Variants in PCDH7 observed in about 807,000 individuals in gnomAD.
PCDH7 encodes protocadherin 7, also known as protocadherin-7.
A neutral mutation model predicts 58.9 loss-of-function variants in PCDH7; 17 were observed. The observed-to-expected ratio is 0.29, with a 90% CI of 0.20 to 0.43. The LOEUF (loss-of-function observed/expected upper bound fraction) is 0.43, where lower values mean the gene tolerates loss of function less well. Among genes scored for constraint, PCDH7 ranks in the 20% least tolerant of loss-of-function variants. The probability of loss-of-function intolerance (pLI) is 1.00; values close to 1 mark genes in which losing one functional copy is unlikely to be tolerated. For synonymous variants in PCDH7, 664 were observed against 616.4 expected, an observed-to-expected ratio of 1.08 and a Z score of -1.14; for missense variants, 1,274 against 1,441.0, an observed-to-expected ratio of 0.88 and a Z score of 1.88.
At chr4:31,043,390 C>T (rs1479189847) in intron 3 of PCDH7, among the ~76,000 whole-genome samples, 1 of 152,128 alleles carries the variant, frequency 6.6e-6, no homozygotes, top group Admixed American at 6.6e-5. Flanking sequence ...AACTAATTTA[C>T]ACTCCCACCA....
chr4:31,078,794 T>C lies in PCDH7; in HGVS notation c.*8-63679T>C, dbSNP rs543852346. On this transcript the variant is annotated intron_variant, in intron 3 of 3. Transcript: ENST00000509759. Reference sequence around the variant, plus strand: ...ACAAATTTGGTGATAGGAAGAGCTTTCCATACATGATGTCAAAATTTATTT... The same window carrying C: ...ACAAATTTGGTGATAGGAAGAGCTTCCCATACATGATGTCAAAATTTATTT... Among the ~76,000 whole-genome samples the C allele has an allele frequency of 4.8e-4, 73 of 152,112 alleles. 1 individual carries two copies. Among genetic ancestry groups the C allele is most frequent in the African/African-American group, 1.8e-3 (73 of 41,464 alleles).
intron 1 of PCDH7, among the ~76,000 whole-genome samples, chr4:30,909,544 A>C (rs1741445836): frequency 6.6e-6 from 1 of 152,200 alleles, no homozygotes; most frequent in South Asian, 2.1e-4. Flanking sequence ...TAATAGAAAA[A>C]CAGCCAAATT....
At chr4:30,731,026 A>T (rs1715415183) in exon 2 of PCDH7, 2 of 1,204,246 alleles carry the variant, frequency 1.7e-6, no homozygotes, top group Non-Finnish European at 1.0e-6. Flanking sequence ...TGTCTGAGTC[A>T]CCAGAAATTC....
chr4:31,096,471 T>A (rs1714000287), intron 3 of PCDH7, among the ~76,000 whole-genome samples: 1 of 151,978 alleles, frequency 6.6e-6, no homozygotes, highest in African/African-American at 2.4e-5. Context: ...AAAAGTAGAG[T>A]AGACATTCTC....
intron 3 of PCDH7, among the ~76,000 whole-genome samples, chr4:30,980,347 G>A (rs111474579): frequency 6.7e-6 from 1 of 149,986 alleles, no homozygotes; most frequent in Admixed American, 6.6e-5. Flanking sequence ...AATATAAATT[G>A]TTTTTTTTGT....
intron 1 of PCDH7, among the ~76,000 whole-genome samples, chr4:30,829,067 A>G (rs1235766823): frequency 1.3e-5 from 2 of 151,986 alleles, no homozygotes; most frequent in Non-Finnish European, 2.9e-5. Flanking sequence ...ACATGTGCAG[A>G]TACACATGTA....
At chr4:30,823,558 C>T (rs977220873) in intron 1 of PCDH7, among the ~76,000 whole-genome samples, 5 of 152,088 alleles carry the variant, frequency 3.3e-5, no homozygotes, top group African/African-American at 1.2e-4. Flanking sequence ...AATAAAGTCC[C>T]TGCAAATTCA....
chr4:30,822,443 G>A (rs10517219), intron 1 of PCDH7, among the ~76,000 whole-genome samples: 55,174 of 151,812 alleles, frequency 0.36, 12,263 homozygotes, highest in Middle Eastern at 0.53. Flanking sequence ...AGTGAGCTGC[G>A]TAAAAGGTCA....
intron 3 of PCDH7, among the ~76,000 whole-genome samples, chr4:30,964,781 AC>A (rs2109464842): frequency 6.6e-6 from 1 of 152,232 alleles, no homozygotes; most frequent in African/African-American, 2.4e-5. Flanking sequence ...TCATGTACAA[AC>A]TAAAAAGTCC....
chr4:30,871,635 A>C (rs376286248), intron 1 of PCDH7, among the ~76,000 whole-genome samples: 30 of 152,236 alleles, frequency 2.0e-4, no homozygotes, highest in East Asian at 1.7e-3. Flanking sequence ...TGAGTAACTT[A>C]GTGCTAATCT....
At chr4:31,027,735 A>G (rs962554102) in intron 3 of PCDH7, among the ~76,000 whole-genome samples, 2 of 152,136 alleles carry the variant, frequency 1.3e-5, no homozygotes, top group South Asian at 4.1e-4. Context: ...TTTCATTTAT[A>G]TATGCATAAT....
chr4:30,850,445 CATATT>C (rs1377807336), intron 1 of PCDH7, among the ~76,000 whole-genome samples: 1 of 152,036 alleles, frequency 6.6e-6, no homozygotes, highest in African/African-American at 2.4e-5. Flanking sequence ...GGTTTCATCT[CATATT>C]ATACATGAAA....
chr4:30,982,312 T>C (rs1560552724), intron 3 of PCDH7, among the ~76,000 whole-genome samples: 3 of 152,230 alleles, frequency 2.0e-5, no homozygotes, highest in East Asian at 3.9e-4. Flanking sequence ...GTCTTTTTCA[T>C]GTGAATTTCT....
exon 2 of PCDH7, chr4:30,730,980 G>T: frequency 7.9e-7 from 1 of 1,268,920 alleles, no homozygotes; most frequent in Non-Finnish European, 9.9e-7. Context: ...ATAAATGTAT[G>T]AAACAGTATT....
rs75383982 is a variant in PCDH7, at chr4:30,904,884, G to T, written c.71-15269G>T. ...ATGCTTAACTAACACTTCAGAAACT[G>T]ACTCTATTTGTCTGTCTTGATTCCT... On this transcript the variant is annotated intron_variant, in intron 1 of 3. Transcript: ENST00000509759. Among the ~76,000 whole-genome samples, 755 of 152,228 alleles carry T rather than the reference G, an allele frequency of 5.0e-3. 6 individuals carry two copies. Among genetic ancestry groups the T allele is most frequent in the African/African-American group, 0.017 (691 of 41,546 alleles).
At chr4:30,827,369 G>T (rs766759892) in intron 1 of PCDH7, among the ~76,000 whole-genome samples, 1 of 152,080 alleles carries the variant, frequency 6.6e-6, no homozygotes, top group African/African-American at 2.4e-5. Context: ...TAGTGGAAGG[G>T]CTGGGACACA....
intron 3 of PCDH7, among the ~76,000 whole-genome samples, chr4:31,062,318 C>T (rs551868054): frequency 6.6e-6 from 1 of 151,500 alleles, no homozygotes; most frequent in South Asian, 2.1e-4. Flanking sequence ...TTTATTGTTG[C>T]AACTGGATAA....
chr4:31,010,672 A>G (rs566888901), intron 3 of PCDH7, among the ~76,000 whole-genome samples: 1 of 152,044 alleles, frequency 6.6e-6, no homozygotes, highest in African/African-American at 2.4e-5. Flanking sequence ...AGATAATTTG[A>G]CCATCTAATA....
At chr4:30,904,516 A>G (rs1331103728) in intron 1 of PCDH7, among the ~76,000 whole-genome samples, 1 of 152,172 alleles carries the variant, frequency 6.6e-6, no homozygotes, top group East Asian at 1.9e-4. Context: ...TGATTAACAA[A>G]CTGCATTTCG....
Sources: allele counts gnomAD v4.1 joint callset (sites outside exome capture counted in the v4.1 genomes callset), GRCh38; gene constraint gnomAD v4.1.1; transcripts MANE v1.5; gene names NCBI Gene and HGNC (gene_info 2026-07-23, HGNC 2026-07-21).